Variants in KDM2A observed in about 807,000 individuals in gnomAD.
The protein encoded by KDM2A is lysine-specific demethylase 2A.
KDM2A carries 3 observed loss-of-function variants against 137.3 expected under a neutral mutation model. The ratio of observed to expected loss-of-function variants is 0.02; its 90% CI spans 0.01 to 0.06. The LOEUF is 0.06. Among genes scored for constraint, KDM2A ranks in the 10% least tolerant of loss-of-function variants. The probability of loss-of-function intolerance (pLI) is 1.00; values close to 1 mark genes in which losing one functional copy is unlikely to be tolerated. For missense variants in KDM2A, 738 were observed against 1,510.6 expected (o/e 0.49, Z 8.48); for synonymous variants, 512 against 541.5 (o/e 0.95, Z 0.76).
intron 5 of KDM2A, among the ~76,000 whole-genome samples, chr11:67,186,396 C>A (rs188800826): frequency 6.6e-4 from 100 of 152,264 alleles, no homozygotes; most frequent in African/African-American, 2.3e-3. Context: ...AACCAAGCAT[C>A]CTATATCTGG....
At chr11:67,154,438 T>C (rs566039162) in intron 2 of KDM2A, among the ~76,000 whole-genome samples, 3 of 152,266 alleles carry the variant, frequency 2.0e-5, no homozygotes, top group African/African-American at 7.2e-5. Flanking sequence ...TTTCTTTCTT[T>C]CTTTCTTTTT....
At chr11:67,226,051 A>G (rs1029387450) in intron 10 of KDM2A, among the ~76,000 whole-genome samples, 4 of 151,674 alleles carry the variant, frequency 2.6e-5, no homozygotes, top group African/African-American at 9.7e-5. Context: ...GGCAACAAGA[A>G]CAAAACTGTG....
At chr11:67,155,937 T>TAAAAAAA (rs770113717) in intron 2 of KDM2A, among the ~76,000 whole-genome samples, 3 of 104,262 alleles carry the variant, frequency 2.9e-5, no homozygotes, top group Non-Finnish European at 5.5e-5. Context: ...TTTAAACGGC[T>TAAAAAAA]AAAAAAAAAA....
intron 1 of KDM2A, among the ~76,000 whole-genome samples, chr11:67,120,908 C>T (rs1855584725): frequency 6.6e-6 from 1 of 151,930 alleles, no homozygotes; most frequent in Middle Eastern, 3.4e-3. Flanking sequence ...GATAAAAGTC[C>T]TGGGCTTTTT....
chr11:67,176,377 A>G (rs1391276730), intron 2 of KDM2A, among the ~76,000 whole-genome samples: 1 of 152,168 alleles, frequency 6.6e-6, no homozygotes, highest in East Asian at 1.9e-4. Context: ...GATCATCAAT[A>G]CTTAGTTTTA....
At position 67,157,331 on chromosome 11, in the gene KDM2A, AC is replaced by A. The variant is rs372060854; in HGVS notation, c.43-22747del. 2.9e-3 allele frequency among the ~76,000 whole-genome samples: 434 copies of A among 147,466 alleles called. 35 individuals carry two copies. The highest frequency in any genetic ancestry group is 4.1e-3 in the Admixed American group (60 of 14,812). On this transcript the variant is annotated intron_variant, in intron 2 of 20. Coordinates refer to ENST00000529006, the MANE Select transcript of KDM2A (RefSeq NM_012308.3). ...GACTCCCGTCTCAAAAAAAAAAAAA[AC>A]AAAAAACACCACACAGTTGGCAAAT...
chr11:67,241,550 T>C (rs539959265), intron 12 of KDM2A, among the ~76,000 whole-genome samples: 1 of 152,098 alleles, frequency 6.6e-6, no homozygotes, highest in African/African-American at 2.4e-5. Flanking sequence ...TGAGAAAAAT[T>C]ATTAGCAATG....
chr11:67,250,652 T>C lies in KDM2A; in HGVS notation c.2622T>C (p.Gly874=), dbSNP rs1430505574. Reference sequence around the variant, plus strand: ...AAGATGACAGTGCAGAGGAGGGGGGTGCAGCCAGGCTGAATGGCCGGGGCA... The same window carrying C: ...AAGATGACAGTGCAGAGGAGGGGGGCGCAGCCAGGCTGAATGGCCGGGGCA... ...EEEDDSAEEG[G]AARLNGRGSW... is the part of the protein sequence containing the mutation. The change falls in exon 17 of 21, where the codon GGT becomes GGC. Residue 874 remains glycine (G), a synonymous_variant. Coordinates refer to ENST00000529006, the MANE Select transcript of KDM2A (RefSeq NM_012308.3). This position sits in a 1 kb window ranked among gnomAD's most constrained non-coding sequence, Gnocchi z 7.1. The C allele has an allele frequency of 6.2e-6, 10 of 1,606,410 alleles. No homozygotes were observed. The highest frequency in any genetic ancestry group is 8.5e-6 in the Non-Finnish European group (10 of 1,175,422).
At chr11:67,239,811 A>G (rs1431427273) in intron 12 of KDM2A, among the ~76,000 whole-genome samples, 1 of 152,236 alleles carries the variant, frequency 6.6e-6, no homozygotes, top group Non-Finnish European at 1.5e-5. Context: ...TGGCGCCTTC[A>G]GAAGTCTGCC....
chr11:67,188,481 CAA>C (rs764954297), intron 5 of KDM2A, among the ~76,000 whole-genome samples: 29 of 91,838 alleles, frequency 3.2e-4, no homozygotes, highest in Admixed American at 3.7e-4. Context: ...GACTCTGTCT[CAA>C]AAAAAAAAAA....
chr11:67,135,084 C>T (rs1455034469), intron 2 of KDM2A, among the ~76,000 whole-genome samples: 1 of 151,152 alleles, frequency 6.6e-6, no homozygotes, highest in Non-Finnish European at 1.5e-5. Flanking sequence ...TTTTTTCCCC[C>T]TGAGACGGAG....
chr11:67,215,482 G>T, intron 7 of KDM2A, 36 bp downstream of exon 7: 5 of 1,369,428 alleles, frequency 3.7e-6, no homozygotes, highest in Non-Finnish European at 5.2e-6. Flanking sequence ...TCCGTGTGCT[G>T]TGGGAGACCA....
chr11:67,163,205 T>C (rs1387346619), intron 2 of KDM2A, among the ~76,000 whole-genome samples: 1 of 152,208 alleles, frequency 6.6e-6, no homozygotes, highest in Non-Finnish European at 1.5e-5. Context: ...CTTCAAACTC[T>C]CTTGAAGGAT....
rs1859403090 is a variant in KDM2A at position 67,250,947 on chromosome 11, T to C, written c.2768+149T>C. ...CCTTTTTCCCAAACTTTGGGTCCTG[T>C]TTAAAGATGTAGCCTGTTGTACCCG... On this transcript the variant is annotated intron_variant, in intron 17 of 20. Coordinates refer to ENST00000529006, the MANE Select transcript of KDM2A (RefSeq NM_012308.3). The surrounding 1 kb of genome is among the most constrained non-coding windows in gnomAD (Gnocchi z 7.1). The C allele has an allele frequency of 1.5e-6, 1 of 665,314 alleles. No individual in the cohort carries two copies. The allele number at this position is 665,314 out of a possible 1,614,324, so 41.2% of individuals were successfully genotyped here.
intron 16 of KDM2A, 64 bp downstream of exon 16, chr11:67,248,434 A>G (rs1321916293): frequency 4.4e-6 from 5 of 1,140,932 alleles, no homozygotes; most frequent in East Asian, 2.6e-5. Flanking sequence ...GGGGATTGCT[A>G]CACGTTTGCC....
intron 5 of KDM2A, among the ~76,000 whole-genome samples, chr11:67,183,972 G>A (rs1201526404): frequency 6.6e-6 from 1 of 151,696 alleles, no homozygotes; most frequent in Non-Finnish European, 1.5e-5. Context: ...AGCTGGGTGT[G>A]GTGGCATGCA....
intron 12 of KDM2A, among the ~76,000 whole-genome samples, chr11:67,238,623 C>A (rs1038924668): frequency 6.6e-6 from 1 of 152,106 alleles, no homozygotes; most frequent in African/African-American, 2.4e-5. Flanking sequence ...ACATATGTAG[C>A]CCCTGGCAGC....
At chr11:67,148,672 G>A (rs563593624) in intron 2 of KDM2A, among the ~76,000 whole-genome samples, 2 of 152,108 alleles carry the variant, frequency 1.3e-5, no homozygotes, top group East Asian at 1.9e-4. Context: ...GTGGTGGTGG[G>A]TGCCTGTAAT....
intron 16 of KDM2A, chr11:67,248,617 A>G (rs1859319496): frequency 2.3e-6 from 1 of 440,906 alleles, no homozygotes; most frequent in African/African-American, 2.0e-5. Context: ...AGGTCCTTTT[A>G]TACTCTGGGG....
Sources: allele counts gnomAD v4.1 joint callset (sites outside exome capture counted in the v4.1 genomes callset), GRCh38; gene constraint gnomAD v4.1.1; non-coding constraint Gnocchi (gnomAD v3.1); transcripts MANE v1.5; gene names NCBI Gene and HGNC (gene_info 2026-07-23, HGNC 2026-07-21).